Variants in CNGA1 observed in about 807,000 individuals in gnomAD.
The protein encoded by CNGA1 is cyclic nucleotide gated channel subunit alpha 1.
A neutral mutation model predicts 69.7 loss-of-function variants in CNGA1; 53 were observed. That is an observed-to-expected ratio of 0.76 (90% CI 0.61 to 0.96). The LOEUF (loss-of-function observed/expected upper bound fraction) is 0.96, where lower values mean the gene tolerates loss of function less well. CNGA1 is among the 40% of genes least tolerant of loss of function. The probability of loss-of-function intolerance (pLI) is 0.00; values close to 1 mark genes in which losing one functional copy is unlikely to be tolerated. For missense variants in CNGA1, 739 were observed against 811.2 expected (o/e 0.91, Z 1.08); for synonymous variants, 249 against 283.5 (o/e 0.88, Z 1.22).
intron 3 of CNGA1, among the ~76,000 whole-genome samples, chr4:47,966,313 A>G (rs984791606): frequency 2.6e-5 from 4 of 152,220 alleles, no homozygotes; most frequent in Non-Finnish European, 4.4e-5. Flanking sequence ...ACATTTGTGA[A>G]CAGAATAATA....
At chr4:47,956,932 T>G (rs1019043081) in intron 3 of CNGA1, among the ~76,000 whole-genome samples, 1 of 152,134 alleles carries the variant, frequency 6.6e-6, no homozygotes, top group Admixed American at 6.5e-5. Flanking sequence ...TTTTTATTTT[T>G]TTATTTTTTT....
intron 3 of CNGA1, among the ~76,000 whole-genome samples, chr4:47,961,766 C>A (rs911581861): frequency 2.0e-5 from 3 of 152,024 alleles, no homozygotes. Flanking sequence ...GTGGTGGCCA[C>A]CAGCTGTTGT....
intron 3 of CNGA1, among the ~76,000 whole-genome samples, chr4:47,955,116 G>A (rs1199379723): frequency 1.3e-5 from 2 of 151,334 alleles, no homozygotes; most frequent in Non-Finnish European, 2.9e-5. Flanking sequence ...GACTCAATTA[G>A]GATATGAATT....
chr4:47,993,054 G>A, intron 2 of CNGA1, among the ~76,000 whole-genome samples: 1 of 152,112 alleles, frequency 6.6e-6, no homozygotes, highest in East Asian at 1.9e-4. Flanking sequence ...CTTGATCAGG[G>A]TGGATTATCT....
intron 3 of CNGA1, among the ~76,000 whole-genome samples, chr4:47,977,163 C>T (rs6858350): frequency 0.1 from 15,832 of 152,106 alleles, 1,286 homozygotes; most frequent in East Asian, 0.31. Context: ...CAGAATGTGA[C>T]GGTTTTTGGA....
Position 47,962,237 on chromosome 4 carries a change from G to A in CNGA1, c.-14-9534C>T, listed in dbSNP as rs549521696. ...TGTGTGCCTGTAATCCCAGCTACTCGGGAGGCTGAGACAGGAGAATCGCTT... is the reference window on the plus strand; with the variant it reads ...TGTGTGCCTGTAATCCCAGCTACTCAGGAGGCTGAGACAGGAGAATCGCTT... On this transcript the variant is annotated intron_variant, in intron 3 of 10. Coordinates refer to ENST00000514170, the MANE Select transcript of CNGA1 (RefSeq NM_001379270.1). Among the ~76,000 whole-genome samples, 6 of 151,762 alleles carry A rather than the reference G, an allele frequency of 4.0e-5. No homozygotes were observed. The East Asian group carries it at 7.7e-4, about 20-fold the overall frequency.
At chr4:47,979,896 T>C (rs1271759841) in intron 3 of CNGA1, among the ~76,000 whole-genome samples, 4 of 152,228 alleles carry the variant, frequency 2.6e-5, no homozygotes, top group Non-Finnish European at 4.4e-5. Flanking sequence ...GAGGTTTCTT[T>C]TCCTTTTTGA....
chr4:47,998,335 G>A (rs1250979437), intron 2 of CNGA1, among the ~76,000 whole-genome samples: 1 of 152,178 alleles, frequency 6.6e-6, no homozygotes, highest in Non-Finnish European at 1.5e-5. Flanking sequence ...ATCTGGACAT[G>A]CATAAATGAA....
chr4:47,997,121 A>T (rs1714385582), intron 2 of CNGA1, among the ~76,000 whole-genome samples: 1 of 152,178 alleles, frequency 6.6e-6, no homozygotes, highest in Non-Finnish European at 1.5e-5. Flanking sequence ...TTGTGCCTTA[A>T]ATATACCTGA....
At chr4:47,938,752 T>C (rs1738855235) in intron 10 of CNGA1, among the ~76,000 whole-genome samples, 1 of 152,028 alleles carries the variant, frequency 6.6e-6, no homozygotes, top group Admixed American at 6.6e-5. Flanking sequence ...CAGAGCTCTT[T>C]ATCCCTTGAT....
At chr4:47,957,458 T>C (rs746924552) in intron 3 of CNGA1, among the ~76,000 whole-genome samples, 1 of 151,650 alleles carries the variant, frequency 6.6e-6, no homozygotes, top group Non-Finnish European at 1.5e-5. Flanking sequence ...AAAATAAAAA[T>C]AAGAATAAAA....
At chr4:48,014,299 T>G (rs1244564145) in intron 1 of CNGA1, among the ~76,000 whole-genome samples, 1 of 152,186 alleles carries the variant, frequency 6.6e-6, no homozygotes. Flanking sequence ...ATCTAGAAAT[T>G]ATCAATGAAG....
chr4:47,977,879 T>G (rs533359623), intron 3 of CNGA1, among the ~76,000 whole-genome samples: 2 of 151,672 alleles, frequency 1.3e-5, no homozygotes, highest in South Asian at 2.1e-4. Flanking sequence ...CAGGCTGGAG[T>G]GCAATGGCAC....
intron 2 of CNGA1, among the ~76,000 whole-genome samples, chr4:47,982,146 C>A (rs1741745797): frequency 6.6e-6 from 1 of 152,174 alleles, no homozygotes; most frequent in Non-Finnish European, 1.5e-5. Context: ...CCTAAGAACT[C>A]TTTTATGCAA....
Position 47,936,777 on chromosome 4 carries a change from G to A in CNGA1, c.1705C>T (p.Leu569=). ...ANIKSIGYSD[L]FCLSKDDLME... is the part of the protein sequence containing the mutation. ...AGGTCATCTTTTGAGAGACAGAACA[G>A]GTCTGAGTAGCCAATACTTTTAATA... The change falls in exon 11 of 11, where the codon CTG becomes TTG. Residue 569 remains leucine (L), a synonymous_variant. Coordinates refer to ENST00000514170, the MANE Select transcript of CNGA1 (RefSeq NM_001379270.1). 1 of 1,614,134 alleles carries A rather than the reference G, an allele frequency of 6.2e-7. No individual in the cohort carries two copies. Among genetic ancestry groups the A allele is most frequent in the Non-Finnish European group, 8.5e-7 (1 of 1,180,034 alleles).
At chr4:47,940,043 T>TA in intron 10 of CNGA1, among the ~76,000 whole-genome samples, 1 of 152,332 alleles carries the variant, frequency 6.6e-6, no homozygotes, top group Middle Eastern at 3.4e-3. Flanking sequence ...CCTATGCTGT[T>TA]ACCATGGGCT....
At chr4:47,940,911 G>A (rs1739037046) in intron 9 of CNGA1, 42 bp from the exon 10 acceptor site, 1 of 1,307,658 alleles carries the variant, frequency 7.6e-7, no homozygotes, top group Non-Finnish European at 1.1e-6. Flanking sequence ...AAAGAAATGG[G>A]GGCCAATTTA....
intron 3 of CNGA1, among the ~76,000 whole-genome samples, chr4:47,967,503 CTATT>C (rs1389149383): frequency 2.6e-5 from 4 of 152,042 alleles, no homozygotes; most frequent in Admixed American, 6.6e-5. Flanking sequence ...AGAAGTAAAA[CTATT>C]TGTTTGTAGA....
In CNGA1 at chr4:47,936,510, C is replaced by A; in HGVS notation, c.1972G>T (p.Val658Phe). 6.2e-7 allele frequency: 1 copy of A among 1,614,148 alleles called. No homozygotes were observed. The highest frequency in any genetic ancestry group is 8.5e-7 in the Non-Finnish European group (1 of 1,180,026). ...QQKLKQRLTK[V>F]EKFLKPLIDT... Reference sequence around the variant, plus strand: ...ATAAGCGGTTTCAGAAATTTCTCAACCTTGGTTAATCTTTGTTTCAGTTTC... The same window carrying A: ...ATAAGCGGTTTCAGAAATTTCTCAAACTTGGTTAATCTTTGTTTCAGTTTC... Residue 658 changes from valine to phenylalanine, a missense_variant, in exon 11 of 11, where the codon GTT (valine) becomes TTT (phenylalanine). By Grantham distance (50) the Val-to-Phe change is conservative. Coordinates refer to ENST00000514170, the MANE Select transcript of CNGA1 (RefSeq NM_001379270.1).
Sources: gnomAD v4.1 joint callset for allele counts (sites outside exome capture counted in the v4.1 genomes callset) on GRCh38, gnomAD v4.1.1 for gene constraint, MANE v1.5 for transcripts, NCBI Gene and HGNC (gene_info 2026-07-23, HGNC 2026-07-21) for gene names.